SNX8: variants seen among roughly 807,000 people sequenced by gnomAD.
SNX8 encodes sorting nexin-8.
In SNX8, 25 loss-of-function variants were observed where a neutral mutation model predicts 51.6. The observed-to-expected ratio is 0.48, with a 90% CI of 0.35 to 0.68. SNX8 has a LOEUF of 0.68. SNX8 is among the 30% of genes least tolerant of loss of function. The pLI is 0.00. For missense variants in SNX8, 695 were observed against 624.0 expected, an observed-to-expected ratio of 1.11 and a Z score of -1.21; for synonymous variants, 324 against 277.0, an observed-to-expected ratio of 1.17 and a Z score of -1.68.
intron 1 of SNX8, among the ~76,000 whole-genome samples, chr7:2,351,369 T>C (rs1050994056): frequency 1.3e-5 from 2 of 151,942 alleles, no homozygotes; most frequent in Non-Finnish European, 2.9e-5. Context: ...CTGAGCAACA[T>C]AGTGAGACCC....
At chr7:2,278,363 G>A in intron 1 of SNX8, 58 bp from the exon 2 acceptor site, 2 of 1,135,622 alleles carry the variant, frequency 1.8e-6, no homozygotes, top group East Asian at 5.0e-5. Flanking sequence ...TGGAGCCTTG[G>A]CTGGGCACAG....
In SNX8 at chr7:2,299,547, G is replaced by T. The variant is rs1030787176; in HGVS notation, c.94+14781C>A. Reference sequence around the variant, plus strand: ...AGGGGAGGCCCAGCGATTTGTTCCGGAGTTAAAAAGGAATACTATTTTAGC... The same window carrying T: ...AGGGGAGGCCCAGCGATTTGTTCCGTAGTTAAAAAGGAATACTATTTTAGC... On this transcript the variant is annotated intron_variant, in intron 1 of 10. Transcript: ENST00000222990. 8 of 152,276 alleles carry T rather than the reference G, an allele frequency of 5.3e-5. No homozygotes were observed. The East Asian group carries it at 1.5e-3, about 29-fold the overall frequency. 9.4% of individuals were successfully genotyped at this position (152,276 alleles called of 1,614,324 possible).
At chr7:2,307,065 C>A (rs547505297) in intron 1 of SNX8, among the ~76,000 whole-genome samples, 10 of 152,206 alleles carry the variant, frequency 6.6e-5, no homozygotes, top group African/African-American at 2.4e-4. Flanking sequence ...CCCCATTAAA[C>A]CCCTGCTACA....
chr7:2,304,400 C>T (rs1245497218), intron 1 of SNX8, among the ~76,000 whole-genome samples: 2 of 151,602 alleles, frequency 1.3e-5, no homozygotes, highest in Admixed American at 6.6e-5. Context: ...AAAAATTAGC[C>T]AGGCGTGGTG....
rs1057092510 is a variant in SNX8, at chr7:2,252,238, A to G, written c.*2818T>C. ...ACGCAGCTGTCCCTGCCAGCTAGGC[A>G]AGGCCGTAATGACCGGCACAAGCTT... On this transcript the variant is annotated 3_prime_UTR_variant, in exon 11 of 11. Transcript: ENST00000222990. 6.6e-6 allele frequency: 1 copy of G among 152,208 alleles called. No homozygotes were observed. Among genetic ancestry groups the G allele is most frequent in the Non-Finnish European group, 1.5e-5 (1 of 68,086 alleles). The allele number at this position is 152,208 out of a possible 1,614,324, so 9.4% of individuals were successfully genotyped here. A position where few individuals can be genotyped will look rare whatever the true frequency, so the allele number is the denominator to read the frequency against.
chr7:2,302,610 A>C (rs1449297726), intron 1 of SNX8, among the ~76,000 whole-genome samples: 1 of 148,220 alleles, frequency 6.7e-6, no homozygotes, highest in Admixed American at 6.8e-5. Context: ...CCAGTCTGGA[A>C]AGTGAGGAGC....
intron 2 of SNX8, among the ~76,000 whole-genome samples, chr7:2,277,112 C>A (rs1422485145): frequency 1.3e-5 from 2 of 152,224 alleles, no homozygotes; most frequent in East Asian, 1.9e-4. Flanking sequence ...ACAAGCCCTG[C>A]TGACTCCACA....
At chr7:2,308,060 T>C (rs891246998) in intron 1 of SNX8, 2 of 152,068 alleles carry the variant, frequency 1.3e-5, no homozygotes, top group African/African-American at 4.8e-5. Context: ...TGTGTGTGTG[T>C]GTGAGAGAGA....
In SNX8 at chr7:2,339,750, G is replaced by A. The variant is rs1187276206; in HGVS notation, c.-66+14472C>T. ...GGAGAATTTTCACTACCAGATATCAGAAATTATTATGCTATAATATTTAAA... is the reference window on the plus strand; with the variant it reads ...GGAGAATTTTCACTACCAGATATCAAAAATTATTATGCTATAATATTTAAA... On this transcript the variant is annotated intron_variant, in intron 1 of 5. Coordinates refer to the SNX8 transcript ENST00000435336. Among the ~76,000 whole-genome samples the A allele has an allele frequency of 2.0e-5, 3 of 152,122 alleles. No homozygotes were observed. In the South Asian group the frequency reaches 6.2e-4, roughly 32 times the overall value.
At chr7:2,265,101 T>G (rs1445747441) in intron 5 of SNX8, among the ~76,000 whole-genome samples, 1 of 152,022 alleles carries the variant, frequency 6.6e-6, no homozygotes, top group Admixed American at 6.6e-5. Context: ...ACGCCTGTAA[T>G]CCCAGCACTT....
At chr7:2,328,254 C>T (rs117988274) in intron 1 of SNX8, among the ~76,000 whole-genome samples, 2 of 151,902 alleles carry the variant, frequency 1.3e-5, no homozygotes, top group African/African-American at 2.4e-5. Flanking sequence ...GGTTTCTCCA[C>T]GCTGGCCAGG....
intron 6 of SNX8, among the ~76,000 whole-genome samples, chr7:2,263,802 C>T (rs1223829258): frequency 6.6e-6 from 1 of 152,168 alleles, no homozygotes; most frequent in Non-Finnish European, 1.5e-5. Flanking sequence ...CAACCTCCGC[C>T]TCCTAGGTTC....
At chr7:2,257,584 G>C in intron 8 of SNX8, 70 bp from the exon 9 acceptor site, 1 of 1,586,922 alleles carries the variant, frequency 6.3e-7, no homozygotes, top group Admixed American at 1.7e-5. Context: ...AGCCGGCCGA[G>C]GGAAGCACCC....
intron 5 of SNX8, among the ~76,000 whole-genome samples, chr7:2,264,723 C>G (rs375005446): frequency 6.6e-6 from 1 of 152,192 alleles, no homozygotes; most frequent in African/African-American, 2.4e-5. Context: ...TCTCATCACA[C>G]TGGAGGACCT....
chr7:2,300,142 C>T (rs1427919546), intron 1 of SNX8, among the ~76,000 whole-genome samples: 1 of 152,138 alleles, frequency 6.6e-6, no homozygotes, highest in African/African-American at 2.4e-5. Flanking sequence ...GCACTGAACA[C>T]GAAGACCTAG....
intron 1 of SNX8, among the ~76,000 whole-genome samples, chr7:2,305,204 G>C (rs896205455): frequency 3.3e-5 from 5 of 152,158 alleles, no homozygotes; most frequent in Non-Finnish European, 7.4e-5. Flanking sequence ...CCTCTGTTAG[G>C]AGCAGACACT....
chr7:2,303,979 A>C (rs1051333513), intron 1 of SNX8, among the ~76,000 whole-genome samples: 15 of 149,870 alleles, frequency 1.0e-4, no homozygotes, highest in African/African-American at 3.7e-4. Flanking sequence ...ATAAAAAATA[A>C]AAAAAAATAA....
chr7:2,263,155 A>G (rs1248045787), intron 7 of SNX8, 75 bp downstream of exon 7: 1 of 1,517,342 alleles, frequency 6.6e-7, no homozygotes, highest in Non-Finnish European at 9.0e-7. Flanking sequence ...ACGCCCATCT[A>G]AGCAGGAGGC....
chr7:2,326,771 A>G (rs1778629295), intron 1 of SNX8, among the ~76,000 whole-genome samples: 1 of 152,072 alleles, frequency 6.6e-6, no homozygotes, highest in South Asian at 2.1e-4. Context: ...AAATCAAGGT[A>G]ATTCACCATA....
Sources: allele counts gnomAD v4.1 joint callset (sites outside exome capture counted in the v4.1 genomes callset), GRCh38; gene constraint gnomAD v4.1.1; transcripts MANE v1.5; gene names NCBI Gene and HGNC (gene_info 2026-07-23, HGNC 2026-07-21).